CDKAL1: variants seen among roughly 807,000 people sequenced by gnomAD.
CDKAL1 encodes threonylcarbamoyladenosine tRNA methylthiotransferase.
A neutral mutation model predicts 68.2 loss-of-function variants in CDKAL1; 32 were observed. That is an observed-to-expected ratio of 0.47 (90% CI 0.35 to 0.63). The LOEUF (loss-of-function observed/expected upper bound fraction) is 0.63, where lower values mean the gene tolerates loss of function less well. Among genes scored for constraint, CDKAL1 ranks in the 30% least tolerant of loss-of-function variants. The pLI, the probability that CDKAL1 is intolerant of heterozygous loss-of-function variation, is 0.00. For missense variants in CDKAL1, 606 were observed against 696.7 expected (o/e 0.87, Z 1.47); for synonymous variants, 234 against 244.3 (o/e 0.96, Z 0.39).
chr6:21,204,926 T>G (rs766206371), intron 15 of CDKAL1, among the ~76,000 whole-genome samples: 3 of 152,218 alleles, frequency 2.0e-5, no homozygotes, highest in Admixed American at 2.0e-4. Context: ...AACCCTGTAC[T>G]CATTAAACAA....
At chr6:20,764,378 G>C (rs1294951750) in intron 7 of CDKAL1, among the ~76,000 whole-genome samples, 1 of 152,078 alleles carries the variant, frequency 6.6e-6, no homozygotes. Context: ...CGGTAATTTA[G>C]GGTTTTCCCA....
At chr6:21,112,715 C>A (rs1226390326) in intron 13 of CDKAL1, among the ~76,000 whole-genome samples, 2 of 152,150 alleles carry the variant, frequency 1.3e-5, no homozygotes, top group Non-Finnish European at 2.9e-5. Context: ...TATTTATGCA[C>A]TTGATAAGTT....
chr6:20,789,118 C>T (rs374074477), intron 8 of CDKAL1, among the ~76,000 whole-genome samples: 1 of 152,166 alleles, frequency 6.6e-6, no homozygotes, highest in South Asian at 2.1e-4. Flanking sequence ...TTATATGAAA[C>T]AATTAAATGT....
At chr6:20,557,041 CA>C (rs199509135) in intron 4 of CDKAL1, among the ~76,000 whole-genome samples, 11,114 of 120,822 alleles carry the variant, frequency 0.092, 1,119 homozygotes, top group African/African-American at 0.25. Context: ...GTCTCCATCT[CA>C]AAAAAAAAAA....
chr6:20,895,606 T>C (rs1007231226), intron 9 of CDKAL1, among the ~76,000 whole-genome samples: 2 of 152,220 alleles, frequency 1.3e-5, no homozygotes, highest in African/African-American at 2.4e-5. Flanking sequence ...TATGTTCTTA[T>C]CATCATCATG....
At chr6:20,711,428 G>C (rs564439525) in intron 5 of CDKAL1, among the ~76,000 whole-genome samples, 20 of 152,284 alleles carry the variant, frequency 1.3e-4, no homozygotes, top group African/African-American at 4.6e-4. Context: ...TTTGGACTTA[G>C]AGTCAGAAGA....
intron 13 of CDKAL1, among the ~76,000 whole-genome samples, chr6:21,141,744 T>G (rs1488079731): frequency 6.6e-6 from 1 of 152,098 alleles, no homozygotes; most frequent in Non-Finnish European, 1.5e-5. Flanking sequence ...AGCTCAGGCT[T>G]TATTCGCTCA....
intron 10 of CDKAL1, among the ~76,000 whole-genome samples, chr6:20,986,008 A>G (rs1766434010): frequency 6.6e-6 from 1 of 152,100 alleles, no homozygotes; most frequent in African/African-American, 2.4e-5. Context: ...TCTAATGGTA[A>G]TAACTTGTTC....
At chr6:20,589,916 G>GT (rs1765523788) in intron 4 of CDKAL1, among the ~76,000 whole-genome samples, 1 of 152,184 alleles carries the variant, frequency 6.6e-6, no homozygotes, top group African/African-American at 2.4e-5. Flanking sequence ...ACCAGGCTGT[G>GT]TAAGTCCAAG....
intron 8 of CDKAL1, among the ~76,000 whole-genome samples, chr6:20,843,170 C>T (rs2150488741): frequency 1.3e-5 from 2 of 152,158 alleles, no homozygotes; most frequent in South Asian, 4.1e-4. Context: ...ATAATTATTT[C>T]CTCACAGAAT....
chr6:20,685,522 T>C (rs1770578567), intron 5 of CDKAL1, among the ~76,000 whole-genome samples: 1 of 152,202 alleles, frequency 6.6e-6, no homozygotes, highest in African/African-American at 2.4e-5. Context: ...AATCACTTTG[T>C]TGATATCCAC....
chr6:21,050,896 G>A (rs1770505100), intron 11 of CDKAL1, among the ~76,000 whole-genome samples: 1 of 152,200 alleles, frequency 6.6e-6, no homozygotes, highest in African/African-American at 2.4e-5. Flanking sequence ...CTTCAAACAA[G>A]AGGGTTTAAA....
At chr6:20,565,370 T>C (rs1434811761) in intron 4 of CDKAL1, among the ~76,000 whole-genome samples, 5 of 152,172 alleles carry the variant, frequency 3.3e-5, no homozygotes, top group African/African-American at 1.2e-4. Flanking sequence ...TATTTCTCTC[T>C]GAAAATCACT....
chr6:20,590,578 A>G (rs191910222), intron 4 of CDKAL1, among the ~76,000 whole-genome samples: 2 of 151,318 alleles, frequency 1.3e-5, no homozygotes, highest in African/African-American at 2.4e-5. Flanking sequence ...TCATTGTTCA[A>G]CTCCCACTTA....
intron 13 of CDKAL1, among the ~76,000 whole-genome samples, chr6:21,118,985 CT>C (rs1012978047): frequency 6.6e-6 from 1 of 151,464 alleles, no homozygotes; most frequent in Non-Finnish European, 1.5e-5. Context: ...TTTAAAGCTG[CT>C]TTTTTTATCT....
chr6:20,784,079 G>A (rs1020115906), intron 8 of CDKAL1, among the ~76,000 whole-genome samples: 3 of 151,972 alleles, frequency 2.0e-5, no homozygotes, highest in South Asian at 2.1e-4. Flanking sequence ...TGGGCGTGGC[G>A]GCGCGTGCCT....
intron 5 of CDKAL1, among the ~76,000 whole-genome samples, chr6:20,678,700 C>A (rs1770237253): frequency 6.6e-6 from 1 of 152,120 alleles, no homozygotes; most frequent in South Asian, 2.1e-4. Flanking sequence ...TGAGGACTTA[C>A]TGTTTGATGT....
At chr6:20,635,229 C>T (rs927974591) in intron 4 of CDKAL1, among the ~76,000 whole-genome samples, 7 of 152,154 alleles carry the variant, frequency 4.6e-5, no homozygotes, top group African/African-American at 1.2e-4. Flanking sequence ...TGATGGAAGA[C>T]TGGAGGGTAG....
chr6:20,862,636 TGTGTG>T (rs1311174851), intron 9 of CDKAL1, among the ~76,000 whole-genome samples: 21 of 9,488 alleles, frequency 2.2e-3, no homozygotes, highest in Admixed American at 9.4e-3. Context: ...CTTTCCAACT[TGTGTG>T]TGTGTGTGTG....
Sources: gnomAD v4.1 joint callset for allele counts (sites outside exome capture counted in the v4.1 genomes callset) on GRCh38, gnomAD v4.1.1 for gene constraint, MANE v1.5 for transcripts, NCBI Gene and HGNC (gene_info 2026-07-23, HGNC 2026-07-21) for gene names.